CACNA1B: variants seen among roughly 807,000 people sequenced by gnomAD.
CACNA1B encodes the protein calcium voltage-gated channel subunit alpha1 B.
In CACNA1B, 70 loss-of-function variants were observed where a neutral mutation model predicts 247.2. The observed-to-expected ratio is 0.28, with a 90% CI of 0.23 to 0.35. CACNA1B has a LOEUF of 0.35. Among genes scored for constraint, CACNA1B ranks in the 10% least tolerant of loss-of-function variants. The probability of loss-of-function intolerance (pLI) is 1.00; values close to 1 mark genes in which losing one functional copy is unlikely to be tolerated. For synonymous variants in CACNA1B, 1,231 were observed against 1,294.4 expected (o/e 0.95, Z 1.05); for missense variants, 2,367 against 3,197.4 (o/e 0.74, Z 6.26).
chr9:137,906,748 C>T (rs1441875776), intron 3 of CACNA1B, among the ~76,000 whole-genome samples: 1 of 152,136 alleles, frequency 6.6e-6, no homozygotes, highest in Non-Finnish European at 1.5e-5. Flanking sequence ...ACATGTTTCT[C>T]TGCATCCCTG....
chr9:138,086,752 C>T (rs1304561449), intron 36 of CACNA1B, among the ~76,000 whole-genome samples: 2 of 151,220 alleles, frequency 1.3e-5, no homozygotes, highest in Non-Finnish European at 1.5e-5. Flanking sequence ...AACAGATCAT[C>T]TAGACAGAAA....
At chr9:137,959,791 C>T (rs1004451519) in intron 10 of CACNA1B, among the ~76,000 whole-genome samples, 4 of 152,204 alleles carry the variant, frequency 2.6e-5, no homozygotes, top group African/African-American at 4.8e-5. Context: ...GCATGGGGGC[C>T]GCGACACTGG....
intron 6 of CACNA1B, among the ~76,000 whole-genome samples, chr9:137,949,804 CTG>C (rs1325569969): frequency 2.0e-5 from 3 of 152,078 alleles, no homozygotes; most frequent in Non-Finnish European, 4.4e-5. Context: ...GGTCTTCACT[CTG>C]TGGATTAAAG....
At position 138,057,521 on chromosome 9, in the gene CACNA1B, A is replaced by G. The variant is rs911334717; in HGVS notation, c.3969-211A>G. On this transcript the variant is annotated intron_variant, in intron 26 of 46. Coordinates refer to ENST00000371372, the MANE Select transcript of CACNA1B (RefSeq NM_000718.4). The surrounding 1 kb of genome is among the most constrained non-coding windows in gnomAD (Gnocchi z 4.0). Reference sequence around the variant, plus strand: ...GTGTTTTATAGTTTTAGCTCCTTACACTTAGGTCTGGAATCCATCATGAGT... The same window carrying G: ...GTGTTTTATAGTTTTAGCTCCTTACGCTTAGGTCTGGAATCCATCATGAGT... Among the ~76,000 whole-genome samples the G allele has an allele frequency of 1.3e-5, 2 of 152,086 alleles. No homozygotes were observed. The highest frequency in any genetic ancestry group is 4.8e-5 in the African/African-American group (2 of 41,384).
In CACNA1B at chr9:137,913,119, T is replaced by G. The variant is rs1262185607; in HGVS notation, c.531-61T>G. The G allele has an allele frequency of 1.5e-6, 2 of 1,298,102 alleles. No individual in the cohort carries two copies. The highest frequency in any genetic ancestry group is 2.2e-6 in the Non-Finnish European group (2 of 898,886). The allele number at this position is 1,298,102 out of a possible 1,614,324, so 80.4% of individuals were successfully genotyped here. On this transcript the variant is annotated intron_variant, in intron 3 of 46. Coordinates refer to ENST00000371372, the MANE Select transcript of CACNA1B (RefSeq NM_000718.4). The surrounding 1 kb of genome is among the most constrained non-coding windows in gnomAD (Gnocchi z 5.2). ...CATGACCCTGGTGGTGGGAGGAGTG[T>G]GTCCTCTTCCAGGCTCAATGTGGAA...
intron 22 of CACNA1B, 68 bp from the exon 23 acceptor site, chr9:138,047,331 A>C: frequency 8.2e-7 from 1 of 1,220,318 alleles, no homozygotes; most frequent in Non-Finnish European, 1.2e-6. Context: ...AAAAACTCGG[A>C]GCCACCGAGG....
Position 137,993,161 on chromosome 9 carries a change from CAGA to C in CACNA1B, c.1974+6314_1974+6316del, listed in dbSNP as rs1349893078. Among the ~76,000 whole-genome samples, 30 of 151,922 alleles carry C rather than the reference CAGA, an allele frequency of 2.0e-4. No homozygotes were observed. In the South Asian group the frequency reaches 4.4e-3, roughly 22 times the overall value. On this transcript the variant is annotated intron_variant, in intron 15 of 46. Coordinates refer to ENST00000371372, the MANE Select transcript of CACNA1B (RefSeq NM_000718.4). ...AAGAACAATCCAAACCCAAACCCAC[CAGA>C]AGAAGAGAAGTAATGAAAATCAGAG...
chr9:137,983,538 G>C (rs1958318282), intron 12 of CACNA1B, among the ~76,000 whole-genome samples: 1 of 152,104 alleles, frequency 6.6e-6, no homozygotes, highest in African/African-American at 2.4e-5. Flanking sequence ...AACATCAACA[G>C]TGCATGAAAC....
intron 10 of CACNA1B, among the ~76,000 whole-genome samples, chr9:137,968,327 C>T (rs1218074657): frequency 1.3e-5 from 2 of 152,216 alleles, no homozygotes; most frequent in East Asian, 1.9e-4. Flanking sequence ...CCCAGGCTTG[C>T]CCATAACCCG....
At chr9:138,067,211 C>T (rs1959951864) in intron 31 of CACNA1B, among the ~76,000 whole-genome samples, 1 of 152,096 alleles carries the variant, frequency 6.6e-6, no homozygotes, top group Admixed American at 6.6e-5. Context: ...TTTATTAAAG[C>T]ATTAAAGAAG....
chr9:137,896,676 A>G (rs1032105187), intron 3 of CACNA1B, among the ~76,000 whole-genome samples: 1 of 152,256 alleles, frequency 6.6e-6, no homozygotes, highest in African/African-American at 2.4e-5. Flanking sequence ...TCTATTTTCT[A>G]AAAGCCGTTG....
At chr9:138,074,651 G>C (rs751197179) in intron 34 of CACNA1B, among the ~76,000 whole-genome samples, 1 of 152,340 alleles carries the variant, frequency 6.6e-6, no homozygotes, top group Non-Finnish European at 1.5e-5. Flanking sequence ...TCTGGCCCTC[G>C]GCCCATTGCC....
Position 138,052,017 on chromosome 9 carries a change from A to G in CACNA1B, c.3711-75A>G. The G allele has an allele frequency of 1.2e-6, 1 of 825,834 alleles. No homozygotes were observed. Among genetic ancestry groups the G allele is most frequent in the Non-Finnish European group, 2.1e-6 (1 of 487,238 alleles). The allele number at this position is 825,834 out of a possible 1,614,324, so 51.2% of individuals were successfully genotyped here. A position where few individuals can be genotyped will look rare whatever the true frequency, so the allele number is the denominator to read the frequency against. ...AAATGCACAGGGGAGCAGGACTCAG[A>G]CCCTGGGGGGCCACGTGGGAGCTGG... On this transcript the variant is annotated intron_variant, in intron 24 of 46. Coordinates refer to ENST00000371372, the MANE Select transcript of CACNA1B (RefSeq NM_000718.4). The surrounding 1 kb of genome is among the most constrained non-coding windows in gnomAD (Gnocchi z 5.1).
chr9:138,074,244 CTTT>C lies in CACNA1B; in HGVS notation c.4857+190_4857+192del, dbSNP rs374889294. Among the ~76,000 whole-genome samples the C allele has an allele frequency of 3.0e-3, 439 of 144,300 alleles. 2 individuals carry two copies. The highest frequency in any genetic ancestry group is 5.6e-3 in the Admixed American group (80 of 14,402). The allele number at this position is 144,300 out of a possible 152,430, so 94.7% of individuals were successfully genotyped here. A position where few individuals can be genotyped will look rare whatever the true frequency, so the allele number is the denominator to read the frequency against. ...ACTTACGTAATCCTCTTTTCTTACT[CTTT>C]TTTTTTTTTTTGAGACAGAGTCTGG... On this transcript the variant is annotated intron_variant, in intron 34 of 46. Coordinates refer to ENST00000371372, the MANE Select transcript of CACNA1B (RefSeq NM_000718.4).
At chr9:138,113,069 A>T (rs1203528085) in intron 40 of CACNA1B, among the ~76,000 whole-genome samples, 1 of 123,780 alleles carries the variant, frequency 8.1e-6, no homozygotes, top group African/African-American at 3.3e-5. Flanking sequence ...GAGGTGCCCA[A>T]CTCCATCTTG....
rs935740093 is a variant in CACNA1B at position 137,919,509 on chromosome 9, C to T, written c.966+2078C>T. Among the ~76,000 whole-genome samples, 9 of 152,246 alleles carry T rather than the reference C, an allele frequency of 5.9e-5. No individual in the cohort carries two copies. Among genetic ancestry groups the T allele is most frequent in the African/African-American group, 9.6e-5 (4 of 41,470 alleles). On this transcript the variant is annotated intron_variant, in intron 6 of 46. Coordinates refer to ENST00000371372, the MANE Select transcript of CACNA1B (RefSeq NM_000718.4). This position sits in a 1 kb window ranked among gnomAD's most constrained non-coding sequence, Gnocchi z 4.6. Reference sequence around the variant, plus strand: ...AGGTAGCCAAGAACCGACCAGTCCGCTCCTCCACACTAAGGGCATACAGGG... The same window carrying T: ...AGGTAGCCAAGAACCGACCAGTCCGTTCCTCCACACTAAGGGCATACAGGG...
intron 39 of CACNA1B, among the ~76,000 whole-genome samples, chr9:138,110,898 C>T (rs947070897): frequency 6.6e-6 from 1 of 151,694 alleles, no homozygotes; most frequent in African/African-American, 2.4e-5. Flanking sequence ...ACAGAAGTGT[C>T]ATCAAAGAAG....
intron 3 of CACNA1B, among the ~76,000 whole-genome samples, chr9:137,902,822 C>G (rs966414918): frequency 3.9e-5 from 6 of 152,212 alleles, no homozygotes; most frequent in African/African-American, 1.4e-4. Context: ...GTACAAGATG[C>G]AGGGTGAGGG....
At chr9:138,070,831 G>A (rs1336168546) in intron 32 of CACNA1B, among the ~76,000 whole-genome samples, 4 of 152,206 alleles carry the variant, frequency 2.6e-5, no homozygotes, top group Admixed American at 6.5e-5. Flanking sequence ...GCACATGCAT[G>A]TCTCTTTCCC....
Sources: allele counts gnomAD v4.1 joint callset (sites outside exome capture counted in the v4.1 genomes callset), GRCh38; gene constraint gnomAD v4.1.1; non-coding constraint Gnocchi (gnomAD v3.1); transcripts MANE v1.5; gene names NCBI Gene and HGNC (gene_info 2026-07-23, HGNC 2026-07-21).